Variants in TRIM36 observed in about 807,000 individuals in gnomAD.
The protein encoded by TRIM36 is tripartite motif containing 36.
A neutral mutation model predicts 72.4 loss-of-function variants in TRIM36; 42 were observed. The ratio of observed to expected loss-of-function variants is 0.58; its 90% CI spans 0.45 to 0.75. The LOEUF (loss-of-function observed/expected upper bound fraction) is 0.75. TRIM36 is among the 30% of genes least tolerant of loss of function. The probability of loss-of-function intolerance (pLI) is 0.00; values close to 1 mark genes in which losing one functional copy is unlikely to be tolerated. For synonymous variants in TRIM36, 315 were observed against 282.8 expected (o/e 1.11, Z -1.14); for missense variants, 913 against 857.1 (o/e 1.07, Z -0.81).
chr5:115,127,421 C>T (rs1752415871), intron 9 of TRIM36, among the ~76,000 whole-genome samples: 1 of 152,150 alleles, frequency 6.6e-6, no homozygotes, highest in Non-Finnish European at 1.5e-5. Context: ...ATTAGCCAGG[C>T]ATGGTGGTGT....
chr5:115,146,848 T>C (rs1753620596), intron 3 of TRIM36, among the ~76,000 whole-genome samples: 1 of 152,188 alleles, frequency 6.6e-6, no homozygotes, highest in South Asian at 2.1e-4. Flanking sequence ...CACTGGATTG[T>C]AATAGAATAA....
chr5:115,145,811 T>C (rs1561431316), intron 3 of TRIM36, among the ~76,000 whole-genome samples: 2 of 152,224 alleles, frequency 1.3e-5, no homozygotes, highest in Admixed American at 6.5e-5. Context: ...TTTTTCAGCA[T>C]GTCCAAGTTT....
In TRIM36 at chr5:115,144,330, A is replaced by T. The variant is rs576949334; in HGVS notation, c.735+268T>A. Among the ~76,000 whole-genome samples, 25 of 152,310 alleles carry T rather than the reference A, an allele frequency of 1.6e-4. No individual in the cohort carries two copies. The South Asian group carries it at 5.2e-3, about 32-fold the overall frequency. On this transcript the variant is annotated intron_variant, in intron 4 of 9. Coordinates refer to ENST00000513154, the MANE Select transcript of TRIM36 (RefSeq NM_001300759.2). ...TAGACATTGGGCTCATTTGGGTATC[A>T]TGATGAAGTGTCCTTCATCCTTCTC...
chr5:115,141,113 T>A (rs115812611), intron 5 of TRIM36, among the ~76,000 whole-genome samples, 166 bp downstream of exon 5: 1,687 of 152,290 alleles, frequency 0.011, 37 homozygotes, highest in African/African-American at 0.039. Flanking sequence ...AACATTATAA[T>A]TCATTTTTTA....
intron 2 of TRIM36, among the ~76,000 whole-genome samples, chr5:115,162,760 C>G (rs1253183645): frequency 6.6e-6 from 1 of 152,012 alleles, no homozygotes; most frequent in Non-Finnish European, 1.5e-5. Context: ...GTCTTTCCCT[C>G]CTCAGTGCGC....
chr5:115,178,026 A>T (rs1453842485), intron 1 of TRIM36, among the ~76,000 whole-genome samples: 3 of 151,888 alleles, frequency 2.0e-5, no homozygotes, highest in Non-Finnish European at 4.4e-5. Context: ...ACTTGATTAT[A>T]AGGAGTTTTA....
intron 1 of TRIM36, chr5:115,179,900 G>T (rs1755536825): frequency 6.9e-7 from 1 of 1,447,844 alleles, no homozygotes; most frequent in African/African-American, 1.4e-5. Flanking sequence ...AATGGACACG[G>T]ACGCCCACAG....
intron 1 of TRIM36, 139 bp from the exon 2 acceptor site, chr5:115,163,891 C>A: frequency 1.2e-6 from 1 of 815,200 alleles, no homozygotes; most frequent in East Asian, 2.7e-5. Flanking sequence ...AATTTCTTTT[C>A]CCCAATAAAA....
intron 2 of TRIM36, among the ~76,000 whole-genome samples, chr5:115,147,951 G>T (rs894456465): frequency 1.3e-5 from 2 of 152,132 alleles, no homozygotes; most frequent in African/African-American, 4.8e-5. Context: ...GCTTTTATCA[G>T]ATTTTCAAAA....
intron 2 of TRIM36, 35 bp downstream of exon 2, chr5:115,163,483 C>T: frequency 6.4e-7 from 1 of 1,570,342 alleles, no homozygotes; most frequent in East Asian, 2.2e-5. Flanking sequence ...AAGCTTACCC[C>T]CACTACCATC....
intron 9 of TRIM36, among the ~76,000 whole-genome samples, chr5:115,128,386 G>C (rs557794734): frequency 6.0e-4 from 88 of 146,890 alleles, no homozygotes; most frequent in Middle Eastern, 3.7e-3. Flanking sequence ...AAAAAAAAAT[G>C]TATATAGATG....
intron 2 of TRIM36, among the ~76,000 whole-genome samples, chr5:115,158,833 T>G (rs1754325716): frequency 1.3e-5 from 2 of 152,256 alleles, no homozygotes; most frequent in African/African-American, 4.8e-5. Context: ...ATTTATATTC[T>G]CAAAAACCTG....
At chr5:115,141,085 C>A (rs1319590481) in intron 5 of TRIM36, among the ~76,000 whole-genome samples, 194 bp downstream of exon 5, 1 of 152,160 alleles carries the variant, frequency 6.6e-6, no homozygotes, top group Non-Finnish European at 1.5e-5. Context: ...ACTAGCTCTA[C>A]CACAGAAGTG....
At chr5:115,132,867 C>A (rs1187393009) in intron 8 of TRIM36, among the ~76,000 whole-genome samples, 1 of 152,118 alleles carries the variant, frequency 6.6e-6, no homozygotes, top group Admixed American at 6.5e-5. Flanking sequence ...ATAGCATAAA[C>A]CATAAAATAG....
intron 2 of TRIM36, chr5:115,148,421 T>C: frequency 3.1e-6 from 2 of 655,632 alleles, no homozygotes; most frequent in Middle Eastern, 7.2e-4. Flanking sequence ...TGTTCTTTTT[T>C]TTTTTTTTTT....
intron 1 of TRIM36, among the ~76,000 whole-genome samples, chr5:115,178,782 G>T (rs1046332581): frequency 6.6e-6 from 1 of 152,198 alleles, no homozygotes; most frequent in African/African-American, 2.4e-5. Context: ...TGTTTCTGAT[G>T]AATGTATTCA....
intron 1 of TRIM36, chr5:115,177,749 C>A (rs778125625): frequency 6.2e-7 from 1 of 1,614,060 alleles, no homozygotes; most frequent in South Asian, 1.1e-5. Context: ...GAGGAATTGT[C>A]CTAAGTTCTT....
At chr5:115,139,429 T>C (rs1015356292) in intron 5 of TRIM36, among the ~76,000 whole-genome samples, 3 of 152,212 alleles carry the variant, frequency 2.0e-5, no homozygotes, top group African/African-American at 7.2e-5. Flanking sequence ...CTAAGAACAT[T>C]CTTAAAAGCT....
chr5:115,135,040 A>G (rs545470498), intron 7 of TRIM36, among the ~76,000 whole-genome samples: 33 of 152,282 alleles, frequency 2.2e-4, no homozygotes, highest in African/African-American at 6.5e-4. Context: ...TTCCCCCTCA[A>G]TGGTATACTA....
Sources: allele counts gnomAD v4.1 joint callset (sites outside exome capture counted in the v4.1 genomes callset), GRCh38; gene constraint gnomAD v4.1.1; transcripts MANE v1.5; gene names NCBI Gene and HGNC (gene_info 2026-07-23, HGNC 2026-07-21).